Variants in OR6Y1 observed in about 807,000 individuals in gnomAD.
OR6Y1 encodes the protein olfactory receptor 6Y1.
A neutral mutation model predicts 0.4 loss-of-function variants in OR6Y1; 1 was observed. That is an observed-to-expected ratio of 2.74 (90% CI 0.97 to 13.02). The LOEUF is 13.02. OR6Y1 is among the 30% of genes most tolerant of loss of function. OR6Y1 has a pLI of 0.12. For missense variants in OR6Y1, 480 were observed against 399.8 expected, an observed-to-expected ratio of 1.20 and a Z score of -1.71; for synonymous variants, 173 against 141.1, an observed-to-expected ratio of 1.23 and a Z score of -1.60.
At position 158,548,232 on chromosome 1, in the gene OR6Y1, T is replaced by C. The variant is rs1647608889; in HGVS notation, c.-127A>G. The C allele has an allele frequency of 1.1e-6, 1 of 870,772 alleles. No homozygotes were observed. Among genetic ancestry groups the C allele is most frequent in the African/African-American group, 1.7e-5 (1 of 58,542 alleles). 53.9% of individuals were successfully genotyped at this position (870,772 alleles called of 1,614,324 possible). A position where few individuals can be genotyped will look rare whatever the true frequency, so the allele number is the denominator to read the frequency against. ...ATAGGAGGTTTCTGCTTTTTTATCTTACTGCCTCTTGAATTATGAAGAGAA... is the reference window on the plus strand; with the variant it reads ...ATAGGAGGTTTCTGCTTTTTTATCTCACTGCCTCTTGAATTATGAAGAGAA... On this transcript the variant is annotated 5_prime_UTR_variant, in exon 2 of 2. Coordinates refer to ENST00000641622, the MANE Select transcript of OR6Y1 (RefSeq NM_001005189.2).
intron 1 of OR6Y1, among the ~76,000 whole-genome samples, chr1:158,551,392 CT>C (rs902927988): frequency 1.3e-5 from 2 of 151,396 alleles, no homozygotes; most frequent in Non-Finnish European, 2.9e-5. Flanking sequence ...ATTCAAAGTT[CT>C]TTTTTTTCCT....
At chr1:158,549,919 A>G (rs1270014949) in intron 1 of OR6Y1, among the ~76,000 whole-genome samples, 1 of 151,638 alleles carries the variant, frequency 6.6e-6, no homozygotes, top group Non-Finnish European at 1.5e-5. Flanking sequence ...CTCTCTTACT[A>G]TATCACCACC....
intron 1 of OR6Y1, among the ~76,000 whole-genome samples, chr1:158,552,364 T>C (rs774116153): frequency 2.4e-4 from 37 of 151,394 alleles, no homozygotes; most frequent in Non-Finnish European, 4.7e-4. Flanking sequence ...CTATGGAAAA[T>C]ACAATTGGAA....
Position 158,547,806 on chromosome 1 carries a change from A to G in OR6Y1, c.300T>C (p.Asn100=), listed in dbSNP as rs1372834323. 1.9e-6 allele frequency: 3 copies of G among 1,613,474 alleles called. No homozygotes were observed. Among genetic ancestry groups the G allele is most frequent in the African/African-American group, 1.3e-5 (1 of 74,420 alleles). ...FLSHDKSISF[N]GCMTQLYFFV... Reference sequence around the variant, plus strand: ...AAAAGTAAAGTTGAGTCATGCAGCCATTGAAGGAAATACTCTTGTCATGAC... The same window carrying G: ...AAAAGTAAAGTTGAGTCATGCAGCCGTTGAAGGAAATACTCTTGTCATGAC... The change falls in exon 2 of 2, where the codon AAT becomes AAC. Residue 100 remains asparagine, a synonymous_variant. Coordinates refer to ENST00000641622, the MANE Select transcript of OR6Y1 (RefSeq NM_001005189.2).
In OR6Y1 at chr1:158,547,251, G is replaced by A. The variant is rs73014208; in HGVS notation, c.855C>T (p.Val285=). Residue 285 remains valine, a synonymous_variant, in exon 2 of 2, where the codon GTC becomes GTT. Coordinates refer to ENST00000641622, the MANE Select transcript of OR6Y1 (RefSeq NM_001005189.2). The part of the protein sequence containing the change: ...SNKVVSVLYT[V]IVPLLNPIIY... ...TGATGGGGTTGAGGAGTGGAACAAT[G>A]ACAGTGTAGAGAACAGATACCACTT... 2.2e-3 allele frequency: 3,527 copies of A among 1,613,656 alleles called. 177 individuals carry two copies. The African/African-American group carries it at 0.043, about 20-fold the overall frequency.
Position 158,546,740 on chromosome 1 carries a change from A to G in OR6Y1, c.*388T>C, listed in dbSNP as rs1219582082. 1.2e-5 allele frequency: 2 copies of G among 167,838 alleles called. No individual in the cohort carries two copies. The highest frequency in any genetic ancestry group is 2.6e-5 in the Non-Finnish European group (2 of 77,290). 10.4% of individuals were successfully genotyped at this position (167,838 alleles called of 1,614,324 possible). A position where few individuals can be genotyped will look rare whatever the true frequency, so the allele number is the denominator to read the frequency against. ...AAAAACCCTTTTCTAACCATCTGAG[A>G]GATGAACGATGGTTTTATTCTTTAT... On this transcript the variant is annotated 3_prime_UTR_variant, in exon 2 of 2. Coordinates refer to ENST00000641622, the MANE Select transcript of OR6Y1 (RefSeq NM_001005189.2).
intron 1 of OR6Y1, among the ~76,000 whole-genome samples, chr1:158,553,424 G>T (rs1647750313): frequency 6.6e-6 from 1 of 152,086 alleles, no homozygotes; most frequent in Non-Finnish European, 1.5e-5. Context: ...GATACTGAAT[G>T]TTCCCAACAC....
intron 1 of OR6Y1, among the ~76,000 whole-genome samples, chr1:158,552,782 GA>G (rs900201692): frequency 3.3e-5 from 5 of 151,724 alleles, no homozygotes; most frequent in African/African-American, 9.7e-5. Flanking sequence ...AGGGAGGTGA[GA>G]AAAAAAAGTG....
intron 1 of OR6Y1, among the ~76,000 whole-genome samples, chr1:158,551,638 C>T (rs1647705890): frequency 1.3e-5 from 2 of 151,476 alleles, no homozygotes; most frequent in African/African-American, 4.9e-5. Flanking sequence ...AAGTTTTAGC[C>T]TGATTTAAAT....
At position 158,547,619 on chromosome 1, in the gene OR6Y1, T is replaced by C. The variant is rs762637303; in HGVS notation, c.487A>G (p.Ile163Val). 6.2e-7 allele frequency: 1 copy of C among 1,613,184 alleles called. No homozygotes were observed. Among genetic ancestry groups the C allele is most frequent in the Non-Finnish European group, 8.5e-7 (1 of 1,179,924 alleles). The change falls in exon 2 of 2, where the codon ATT becomes GTT. Residue 163 changes from isoleucine (I) to valine (V), a missense_variant. Ile to Val is a conservative substitution (Grantham distance 29). Transcript: ENST00000641622. ...CWFCGLMTAM[I>V]KMVFIAQLHY... is the part of the protein sequence containing the mutation. Reference sequence around the variant, plus strand: ...AGTTGTGCTATAAAAACCATCTTAATCATGGCAGTCATGAGTCCACAGAAC... The same window carrying C: ...AGTTGTGCTATAAAAACCATCTTAACCATGGCAGTCATGAGTCCACAGAAC...
chr1:158,552,791 G>C (rs909657573), intron 1 of OR6Y1, among the ~76,000 whole-genome samples: 2 of 152,122 alleles, frequency 1.3e-5, no homozygotes, highest in Non-Finnish European at 1.5e-5. Flanking sequence ...AGAAAAAAAA[G>C]TGTAGGTTAG....
chr1:158,550,937 C>T (rs1647686527), intron 1 of OR6Y1, among the ~76,000 whole-genome samples: 1 of 151,862 alleles, frequency 6.6e-6, no homozygotes, highest in Non-Finnish European at 1.5e-5. Flanking sequence ...CTGATGTTCA[C>T]CATCATGGAA....
At position 158,546,247 on chromosome 1, in the gene OR6Y1, G is replaced by C. The variant is rs1647528864; in HGVS notation, c.*881C>G. The C allele has an allele frequency of 6.6e-6, 1 of 152,140 alleles. No individual in the cohort carries two copies. Among genetic ancestry groups the C allele is most frequent in the East Asian group, 1.9e-4 (1 of 5,194 alleles). 9.4% of individuals were successfully genotyped at this position (152,140 alleles called of 1,614,324 possible). On this transcript the variant is annotated 3_prime_UTR_variant, in exon 2 of 2. Transcript: ENST00000641622. Reference sequence around the variant, plus strand: ...CTACTTTCAAATATGGTCACATTCTGAGAGACTGGGGTTAGGACAACATAC... The same window carrying C: ...CTACTTTCAAATATGGTCACATTCTCAGAGACTGGGGTTAGGACAACATAC...
rs904557987 is a variant in OR6Y1 at position 158,546,805 on chromosome 1, T to C, written c.*323A>G. ...CCTGTATGGCATTTATTTTGATAAG[T>C]TGTGTGGAAAAAGTATTCATCTTCC... is the stretch of plus-strand genomic sequence containing the variant. On this transcript the variant is annotated 3_prime_UTR_variant, in exon 2 of 2. Transcript: ENST00000641622. 9.5e-6 allele frequency: 2 copies of C among 211,158 alleles called. No individual in the cohort carries two copies. Among genetic ancestry groups the C allele is most frequent in the African/African-American group, 4.7e-5 (2 of 42,940 alleles). The allele number at this position is 211,158 out of a possible 1,614,324, so 13.1% of individuals were successfully genotyped here. A position where few individuals can be genotyped will look rare whatever the true frequency, so the allele number is the denominator to read the frequency against.
intron 1 of OR6Y1, among the ~76,000 whole-genome samples, chr1:158,551,885 C>T (rs377606436): frequency 6.6e-6 from 1 of 151,846 alleles, no homozygotes; most frequent in Non-Finnish European, 1.5e-5. Context: ...TTGTGAATCA[C>T]CAATGTATAG....
In OR6Y1 at chr1:158,548,222, T is replaced by C. The variant is rs1173891352; in HGVS notation, c.-117A>G. ...ATTTATCACAATAGGAGGTTTCTGCTTTTTTATCTTACTGCCTCTTGAATT... is the reference window on the plus strand; with the variant it reads ...ATTTATCACAATAGGAGGTTTCTGCCTTTTTATCTTACTGCCTCTTGAATT... On this transcript the variant is annotated 5_prime_UTR_variant, in exon 2 of 2. Transcript: ENST00000641622. 4.0e-6 allele frequency: 4 copies of C among 999,008 alleles called. No individual in the cohort carries two copies. The East Asian group carries it at 9.7e-5, about 24-fold the overall frequency. The allele number at this position is 999,008 out of a possible 1,614,324, so 61.9% of individuals were successfully genotyped here.
chr1:158,547,844 C>T lies in OR6Y1; in HGVS notation c.262G>A (p.Val88Ile), dbSNP rs745588454. Reference sequence around the variant, plus strand: ...CTCTTGTCATGACTGAGGAAGTCAACAAGCATCTTGGGGCTGATGACTGTG... The same window carrying T: ...CTCTTGTCATGACTGAGGAAGTCAATAAGCATCTTGGGGCTGATGACTGTG... ...YVTVISPKMLVDFLSHDKSIS... is the reference protein window; with the variant it reads ...YVTVISPKMLIDFLSHDKSIS... The change falls in exon 2 of 2, where the codon GTT becomes ATT. Residue 88 changes from valine (V) to isoleucine (I), a missense_variant. By Grantham distance (29) the Val-to-Ile change is conservative. Transcript: ENST00000641622. 7.4e-6 allele frequency: 12 copies of T among 1,613,488 alleles called. No homozygotes were observed. Among genetic ancestry groups the T allele is most frequent in the Non-Finnish European group, 8.5e-6 (10 of 1,180,018 alleles).
intron 1 of OR6Y1, among the ~76,000 whole-genome samples, chr1:158,551,488 A>T (rs181456155): frequency 6.6e-6 from 1 of 151,762 alleles, no homozygotes; most frequent in Non-Finnish European, 1.5e-5. Flanking sequence ...TTTATTAATG[A>T]TTACATTTTA....
rs1206500692 is a variant in OR6Y1, at chr1:158,548,229, T to A, written c.-124A>T. 1 of 872,690 alleles carries A rather than the reference T, an allele frequency of 1.1e-6. No homozygotes were observed. Among genetic ancestry groups the A allele is most frequent in the Non-Finnish European group, 1.7e-6 (1 of 572,592 alleles). The allele number at this position is 872,690 out of a possible 1,614,324, so 54.1% of individuals were successfully genotyped here. ...ACAATAGGAGGTTTCTGCTTTTTTA[T>A]CTTACTGCCTCTTGAATTATGAAGA... On this transcript the variant is annotated 5_prime_UTR_variant, in exon 2 of 2. Coordinates refer to ENST00000641622, the MANE Select transcript of OR6Y1 (RefSeq NM_001005189.2).
Sources: allele counts gnomAD v4.1 joint callset (sites outside exome capture counted in the v4.1 genomes callset), GRCh38; gene constraint gnomAD v4.1.1; transcripts MANE v1.5; gene names NCBI Gene and HGNC (gene_info 2026-07-23, HGNC 2026-07-21).